Variants in MDGA2 observed in about 807,000 individuals in gnomAD.
MDGA2 encodes the protein MAM domain containing glycosylphosphatidylinositol anchor 2.
Under a neutral mutation model 117.8 loss-of-function variants are expected in MDGA2, and 40 were observed. That is an observed-to-expected ratio of 0.34 (90% CI 0.26 to 0.44). The LOEUF (loss-of-function observed/expected upper bound fraction) is 0.44, where lower values mean the gene tolerates loss of function less well. Among genes scored for constraint, MDGA2 ranks in the 20% least tolerant of loss-of-function variants. MDGA2 has a pLI of 1.00. For synonymous variants in MDGA2, 452 were observed against 439.0 expected (o/e 1.03, Z -0.37); for missense variants, 1,123 against 1,250.6 (o/e 0.90, Z 1.54).
At chr14:46,887,722 A>G (rs990003533) in intron 10 of MDGA2, among the ~76,000 whole-genome samples, 3 of 151,940 alleles carry the variant, frequency 2.0e-5, no homozygotes, top group Non-Finnish European at 2.9e-5. Context: ...TTAAAATACT[A>G]TAACATAATA....
At chr14:46,873,899 G>A (rs962828446) in intron 13 of MDGA2, 146 bp downstream of exon 13, 5 of 717,416 alleles carry the variant, frequency 7.0e-6, no homozygotes, top group African/African-American at 1.9e-5. Context: ...ACAAAGTTTT[G>A]TAAATATCTA....
chr14:46,980,421 A>G (rs1183848162), intron 8 of MDGA2, among the ~76,000 whole-genome samples: 2 of 152,310 alleles, frequency 1.3e-5, no homozygotes, highest in South Asian at 2.1e-4. Context: ...GATAGAATCT[A>G]CTTCTAGTGA....
intron 4 of MDGA2, among the ~76,000 whole-genome samples, chr14:47,139,771 T>C (rs1343160464): frequency 1.4e-5 from 2 of 144,270 alleles, no homozygotes; most frequent in Non-Finnish European, 3.0e-5. Flanking sequence ...TATATATACA[T>C]ATATACACAC....
intron 1 of MDGA2, among the ~76,000 whole-genome samples, chr14:47,307,635 C>A (rs1417631827): frequency 6.6e-6 from 1 of 151,680 alleles, no homozygotes. Flanking sequence ...GAGACAAGAT[C>A]CGAGATCTTG....
intron 1 of MDGA2, among the ~76,000 whole-genome samples, chr14:47,456,588 C>A (rs1336417898): frequency 2.0e-5 from 3 of 152,006 alleles, no homozygotes; most frequent in Non-Finnish European, 4.4e-5. Context: ...CAGGCATAAG[C>A]CACCATGCCC....
At position 47,426,840 on chromosome 14, in the gene MDGA2, A is replaced by G. The variant is rs191035355; in HGVS notation, c.281-125290T>C. On this transcript the variant is annotated intron_variant, in intron 1 of 16. Transcript: ENST00000399232. ...AATCAAATATATTTGATATAAATTC[A>G]TATTTTCAGAGGAGGCAGGACATTT... 4.1e-3 allele frequency among the ~76,000 whole-genome samples: 621 copies of G among 151,378 alleles called. 2 individuals are homozygous for G. The highest frequency in any genetic ancestry group is 7.1e-3 in the Non-Finnish European group (484 of 67,816).
At chr14:47,507,226 C>T (rs920970904) in intron 1 of MDGA2, among the ~76,000 whole-genome samples, 6 of 151,914 alleles carry the variant, frequency 3.9e-5, no homozygotes, top group African/African-American at 1.5e-4. Flanking sequence ...ATCCAGCTGC[C>T]ATAGGAACCT....
chr14:47,274,711 A>C lies in MDGA2; in HGVS notation c.420+26700T>G, dbSNP rs566700771. On this transcript the variant is annotated intron_variant, in intron 2 of 16. Transcript: ENST00000399232. Reference sequence around the variant, plus strand: ...ACTACTGGCAATGTATAAGGATACCAATTCCCCAGCACTTGTTATTGACCT... The same window carrying C: ...ACTACTGGCAATGTATAAGGATACCCATTCCCCAGCACTTGTTATTGACCT... 6.3e-4 allele frequency among the ~76,000 whole-genome samples: 96 copies of C among 152,248 alleles called. 2 individuals carry two copies. The South Asian group carries it at 9.3e-3, about 15-fold the overall frequency.
At chr14:47,480,169 T>G (rs1283562395) in intron 1 of MDGA2, among the ~76,000 whole-genome samples, 1 of 152,072 alleles carries the variant, frequency 6.6e-6, no homozygotes, top group Non-Finnish European at 1.5e-5. Context: ...TAGCTCAAAC[T>G]TTGGCATGTG....
At chr14:46,910,391 T>C (rs1883653837) in intron 10 of MDGA2, among the ~76,000 whole-genome samples, 1 of 152,212 alleles carries the variant, frequency 6.6e-6, no homozygotes, top group Non-Finnish European at 1.5e-5. Context: ...TTAATGACTG[T>C]TTGATTTTTC....
intron 7 of MDGA2, among the ~76,000 whole-genome samples, chr14:47,037,110 G>A (rs1888882987): frequency 6.6e-6 from 1 of 152,166 alleles, no homozygotes; most frequent in South Asian, 2.1e-4. Context: ...AGTGAATGAT[G>A]TAATTAAAAT....
intron 5 of MDGA2, among the ~76,000 whole-genome samples, chr14:47,107,638 C>G (rs1173451246): frequency 2.0e-5 from 3 of 151,342 alleles, no homozygotes; most frequent in Non-Finnish European, 4.4e-5. Context: ...CATAAAAACA[C>G]ACGTGCTCTC....
intron 8 of MDGA2, among the ~76,000 whole-genome samples, chr14:46,991,767 G>A (rs1299211578): frequency 6.6e-6 from 1 of 152,072 alleles, no homozygotes; most frequent in Non-Finnish European, 1.5e-5. Flanking sequence ...TAATACAACT[G>A]TGTTTTATAA....
At chr14:47,320,199 T>C (rs544111563) in intron 1 of MDGA2, among the ~76,000 whole-genome samples, 1 of 152,262 alleles carries the variant, frequency 6.6e-6, no homozygotes, top group East Asian at 1.9e-4. Flanking sequence ...TTGTTGCAGC[T>C]GCCCTAGCAA....
intron 1 of MDGA2, among the ~76,000 whole-genome samples, chr14:47,397,857 G>A (rs183601604): frequency 1.3e-5 from 2 of 152,104 alleles, no homozygotes; most frequent in Admixed American, 1.3e-4. Flanking sequence ...AAAATACAGA[G>A]AATGTAAAGT....
intron 8 of MDGA2, among the ~76,000 whole-genome samples, chr14:47,013,061 C>A (rs1887951500): frequency 6.6e-6 from 1 of 152,098 alleles, no homozygotes; most frequent in Non-Finnish European, 1.5e-5. Flanking sequence ...TTAACCACCA[C>A]CGGCCTGTGG....
intron 8 of MDGA2, among the ~76,000 whole-genome samples, chr14:47,000,623 A>G (rs1887497294): frequency 6.6e-6 from 1 of 151,048 alleles, no homozygotes; most frequent in Admixed American, 6.7e-5. Context: ...ATATAAAACA[A>G]AAGTTTTTGA....
At chr14:47,147,675 G>A (rs544933321) in intron 3 of MDGA2, among the ~76,000 whole-genome samples, 1 of 152,136 alleles carries the variant, frequency 6.6e-6, no homozygotes, top group South Asian at 2.1e-4. Context: ...CAGTTCTGGG[G>A]AAGGGATCTA....
At chr14:47,602,180 T>C (rs1187957119) in intron 1 of MDGA2, among the ~76,000 whole-genome samples, 1 of 152,178 alleles carries the variant, frequency 6.6e-6, no homozygotes, top group Non-Finnish European at 1.5e-5. Flanking sequence ...CTACCAGCAA[T>C]GTAATGTTTC....
Sources: gnomAD v4.1 joint callset for allele counts (sites outside exome capture counted in the v4.1 genomes callset) on GRCh38, gnomAD v4.1.1 for gene constraint, MANE v1.5 for transcripts, NCBI Gene and HGNC (gene_info 2026-07-23, HGNC 2026-07-21) for gene names.